The following LRIG1 variants were observed in gnomAD, a reference collection of about 807,000 sequenced individuals.
The protein encoded by LRIG1 is leucine rich repeats and immunoglobulin like domains 1, also known as leucine-rich repeats and immunoglobulin-like domains protein 1.
LRIG1 carries 48 observed loss-of-function variants against 99.2 expected under a neutral mutation model. The ratio of observed to expected loss-of-function variants is 0.48; its 90% CI spans 0.38 to 0.62. The LOEUF (loss-of-function observed/expected upper bound fraction) is 0.62. Ranked by LOEUF, LRIG1 falls within the 20% of genes least tolerant of loss-of-function variation. LRIG1 has a pLI of 0.00. For missense variants in LRIG1, 1,646 were observed against 1,434.4 expected, an observed-to-expected ratio of 1.15 and a Z score of -2.38; for synonymous variants, 772 against 596.1, an observed-to-expected ratio of 1.29 and a Z score of -4.30.
chr3:66,459,455 C>T (rs1700307621), intron 2 of LRIG1, among the ~76,000 whole-genome samples: 1 of 152,230 alleles, frequency 6.6e-6, no homozygotes, highest in Admixed American at 6.5e-5. Context: ...CACAGTGGTC[C>T]TCAGCCTGTT....
chr3:66,400,590 C>G (rs1702015663), intron 9 of LRIG1, among the ~76,000 whole-genome samples: 1 of 152,156 alleles, frequency 6.6e-6, no homozygotes, highest in Non-Finnish European at 1.5e-5. Context: ...GCCCAGCCCC[C>G]TACTGGGAAG....
intron 1 of LRIG1, among the ~76,000 whole-genome samples, chr3:66,491,468 G>GA (rs540096102): frequency 3.3e-5 from 5 of 151,590 alleles, no homozygotes; most frequent in East Asian, 3.9e-4. Context: ...TCCTACAAAA[G>GA]AAAAAAAATC....
At chr3:66,449,091 T>A (rs1280819947) in intron 3 of LRIG1, among the ~76,000 whole-genome samples, 2 of 152,204 alleles carry the variant, frequency 1.3e-5, no homozygotes, top group Non-Finnish European at 2.9e-5. Context: ...GGAAGGTGGT[T>A]CTTTGGGCTG....
chr3:66,469,413 A>C (rs759100827), intron 1 of LRIG1, among the ~76,000 whole-genome samples: 4 of 152,200 alleles, frequency 2.6e-5, no homozygotes, highest in Non-Finnish European at 4.4e-5. Flanking sequence ...TACTATATAC[A>C]TACAGCTATA....
chr3:66,380,394 C>T lies in LRIG1; in HGVS notation c.3151G>A (p.Glu1051Lys). 1 of 1,614,158 alleles carries T rather than the reference C, an allele frequency of 6.2e-7. No individual in the cohort carries two copies. The highest frequency in any genetic ancestry group is 8.5e-7 in the Non-Finnish European group (1 of 1,180,034). ...SLTSGSPERA[E>K]AQYLLVSNGH... ...TTGGAAACAAGCAAGTACTGGGCTTCCGCGCGCTCTGGACTGCCTGAAGTT... is the reference window on the plus strand; with the variant it reads ...TTGGAAACAAGCAAGTACTGGGCTTTCGCGCGCTCTGGACTGCCTGAAGTT... The change falls in exon 19 of 19, where the codon GAA (glutamate) becomes AAA (lysine). Residue 1051 changes from glutamate to lysine, a missense_variant. Transcript: ENST00000273261.
At chr3:66,431,572 T>C (rs13324373) in intron 3 of LRIG1, among the ~76,000 whole-genome samples, 7,217 of 152,218 alleles carry the variant, frequency 0.047, 495 homozygotes, top group African/African-American at 0.16. Flanking sequence ...AAGGACCTCC[T>C]CTGCCCAAGT....
chr3:66,492,793 C>A (rs553671921), intron 1 of LRIG1, among the ~76,000 whole-genome samples: 1 of 152,098 alleles, frequency 6.6e-6, no homozygotes, highest in Non-Finnish European at 1.5e-5. Flanking sequence ...TGGGCCTTAC[C>A]GGTTATGCTA....
intron 13 of LRIG1, among the ~76,000 whole-genome samples, chr3:66,385,176 C>G (rs1701311613): frequency 6.6e-6 from 1 of 152,156 alleles, no homozygotes; most frequent in Admixed American, 6.5e-5. Flanking sequence ...CACAATAACA[C>G]ATGGTCCCCT....
chr3:66,413,036 G>C (rs1470851984), intron 5 of LRIG1, 22 bp from the exon 6 acceptor site: 2 of 1,613,912 alleles, frequency 1.2e-6, no homozygotes, highest in Non-Finnish European at 1.7e-6. Context: ...AAGCCAGCAG[G>C]GTCAGAGTGT....
chr3:66,454,168 C>T (rs1190537574), intron 2 of LRIG1, among the ~76,000 whole-genome samples: 1 of 152,170 alleles, frequency 6.6e-6, no homozygotes, highest in Non-Finnish European at 1.5e-5. Flanking sequence ...GAGCTTACTT[C>T]CAGATCATTT....
At chr3:66,490,242 A>G (rs2106921715) in intron 1 of LRIG1, among the ~76,000 whole-genome samples, 1 of 152,306 alleles carries the variant, frequency 6.6e-6, no homozygotes, top group South Asian at 2.1e-4. Flanking sequence ...GCAGATCTTA[A>G]TAACTACAGG....
chr3:66,389,924 G>C (rs888107984), intron 12 of LRIG1, among the ~76,000 whole-genome samples: 1 of 152,144 alleles, frequency 6.6e-6, no homozygotes, highest in African/African-American at 2.4e-5. Flanking sequence ...AAAGAACTGA[G>C]GGTCCTGGGA....
chr3:66,467,740 T>C (rs1264194200), intron 1 of LRIG1, among the ~76,000 whole-genome samples: 1 of 152,250 alleles, frequency 6.6e-6, no homozygotes, highest in Non-Finnish European at 1.5e-5. Flanking sequence ...CAGAGGTTAT[T>C]TCTATCAGCA....
At chr3:66,434,981 C>A (rs1240472859) in intron 3 of LRIG1, among the ~76,000 whole-genome samples, 2 of 152,040 alleles carry the variant, frequency 1.3e-5, no homozygotes, top group African/African-American at 4.8e-5. Flanking sequence ...CAAAAGAAAC[C>A]CAAACACAAA....
intron 3 of LRIG1, among the ~76,000 whole-genome samples, chr3:66,432,213 CT>C (rs1703195383): frequency 1.3e-5 from 2 of 152,148 alleles, no homozygotes; most frequent in African/African-American, 4.8e-5. Context: ...CCTGAACCCC[CT>C]GCCCCCGACA....
intron 3 of LRIG1, among the ~76,000 whole-genome samples, chr3:66,432,739 A>G (rs911020603): frequency 6.6e-6 from 1 of 152,160 alleles, no homozygotes; most frequent in African/African-American, 2.4e-5. Context: ...GGCAGAAGAA[A>G]CCTGAGGAAG....
At position 66,386,202 on chromosome 3, in the gene LRIG1, C is replaced by G; in HGVS notation, c.1568G>C (p.Ser523Thr). 1.2e-6 allele frequency: 2 copies of G among 1,613,520 alleles called. No homozygotes were observed. The highest frequency in any genetic ancestry group is 1.3e-5 in the African/African-American group (1 of 75,010). ...CTTCCAGGCAAAGGTCATGGGGGAG[C>G]TGCTGCTGCTGGCTGCTGAGCATGT... The part of the protein sequence containing the change: ...RFTCSAASSS[S>T]SPMTFAWKKD... The change falls in exon 13 of 19, where the codon AGC becomes ACC. Residue 523 changes from serine (S) to threonine (T), a missense_variant. Coordinates refer to ENST00000273261, the MANE Select transcript of LRIG1 (RefSeq NM_015541.3).
chr3:66,492,438 A>G (rs1349002428), intron 1 of LRIG1, among the ~76,000 whole-genome samples: 1 of 152,212 alleles, frequency 6.6e-6, no homozygotes, highest in Non-Finnish European at 1.5e-5. Flanking sequence ...TCAGCTAAAA[A>G]AAAGAAGAAA....
chr3:66,391,853 G>T (rs1701633117), intron 12 of LRIG1, among the ~76,000 whole-genome samples: 1 of 152,104 alleles, frequency 6.6e-6, no homozygotes, highest in Non-Finnish European at 1.5e-5. Context: ...ACAATTCAAT[G>T]GTTTTTAGTA....
Sources: allele counts gnomAD v4.1 joint callset (sites outside exome capture counted in the v4.1 genomes callset), GRCh38; gene constraint gnomAD v4.1.1; transcripts MANE v1.5; gene names NCBI Gene and HGNC (gene_info 2026-07-23, HGNC 2026-07-21).